Variants in EGFL6 observed in about 807,000 individuals in gnomAD.
EGFL6 encodes the protein EGF like domain multiple 6.
Under a neutral mutation model 43.1 loss-of-function variants are expected in EGFL6, and 42 were observed. The observed-to-expected ratio is 0.98, with a 90% confidence interval of 0.76 to 1.26. The LOEUF is 1.26. EGFL6 is among the 50% of genes most tolerant of loss of function. The pLI is 0.00. For synonymous variants in EGFL6, 164 were observed against 163.2 expected (o/e 1.01, Z -0.04); for missense variants, 429 against 427.8 (o/e 1.00, Z -0.02).
intron 1 of EGFL6, among the ~76,000 whole-genome samples, chrX:13,586,280 T>C (rs2045533184): frequency 8.9e-6 from 1 of 112,044 alleles, no homozygotes; most frequent in East Asian, 2.8e-4. Context: ...GGAACTCTCA[T>C]ATATTGCTGA....
At chrX:13,608,565 C>T (rs2045673280) in intron 7 of EGFL6, 119 bp downstream of exon 7, 1 of 916,841 alleles carries the variant, frequency 1.1e-6, no homozygotes, top group Non-Finnish European at 1.5e-6. Context: ...CTCTCCCTTA[C>T]TCTCACTCTG....
At chrX:13,617,651 A>T in intron 7 of EGFL6, 79 bp from the exon 8 acceptor site, 1 of 897,642 alleles carries the variant, frequency 1.1e-6, no homozygotes, top group Non-Finnish European at 1.6e-6. Flanking sequence ...ACTACACTTT[A>T]ACACTTTTTA....
intron 9 of EGFL6, among the ~76,000 whole-genome samples, chrX:13,619,685 T>C (rs1283866374): frequency 1.8e-5 from 2 of 111,832 alleles, no homozygotes; most frequent in Non-Finnish European, 3.8e-5. Context: ...GCAATAAATA[T>C]TTATTTTTGC....
chrX:13,606,571 T>A, intron 6 of EGFL6, 58 bp downstream of exon 6: 1 of 1,133,807 alleles, frequency 8.8e-7, no homozygotes. Context: ...CTTTGAGCCT[T>A]CTCTGCAGAT....
At chrX:13,594,587 C>T (rs1243491048) in intron 2 of EGFL6, among the ~76,000 whole-genome samples, 1 of 111,670 alleles carries the variant, frequency 9.0e-6, no homozygotes, top group Non-Finnish European at 1.9e-5. Context: ...TCTTCCAGTT[C>T]CAACATTATA....
intron 1 of EGFL6, among the ~76,000 whole-genome samples, chrX:13,570,582 C>G (rs1192619623): frequency 9.0e-6 from 1 of 111,623 alleles, no homozygotes; most frequent in Non-Finnish European, 1.9e-5. Context: ...TTAAGCTTAG[C>G]TGAGACCTGA....
At chrX:13,591,297 G>A (rs752417280) in intron 2 of EGFL6, among the ~76,000 whole-genome samples, 52 of 111,512 alleles carry the variant, frequency 4.7e-4, no homozygotes, top group Non-Finnish European at 9.6e-4. Flanking sequence ...ACAGTTGCAC[G>A]AACATCAGCG....
intron 1 of EGFL6, among the ~76,000 whole-genome samples, chrX:13,587,385 A>G (rs1197685591): frequency 8.9e-6 from 1 of 111,887 alleles, no homozygotes; most frequent in Admixed American, 9.5e-5. Flanking sequence ...TTTATGGGGT[A>G]CATGTGAGTG....
chrX:13,621,858 A>G (rs1205113503), intron 9 of EGFL6, among the ~76,000 whole-genome samples: 5 of 112,581 alleles, frequency 4.4e-5, no homozygotes, highest in Admixed American at 2.8e-4. Flanking sequence ...TTTCCAAACC[A>G]TGAAGTGCTA....
At position 13,633,064 on chromosome X, in the gene EGFL6, G is replaced by A; in HGVS notation, c.1631G>A (p.Cys544Tyr). 1 of 1,202,330 alleles carries A rather than the reference G, an allele frequency of 8.3e-7. No individual in the cohort carries two copies. Among genetic ancestry groups the A allele is most frequent in the East Asian group, 3.0e-5 (1 of 33,174 alleles). ...VDGVLLVSGL[C>Y]PDSLLSVDD ...GGCGTCTTGCTTGTTTCAGGCTTAT[G>A]TCCAGATAGCCTTTTATCTGTGGAT... The change falls in exon 12 of 12, where the codon TGT becomes TAT. Residue 544 changes from cysteine to tyrosine, a missense_variant. Coordinates refer to ENST00000361306, the MANE Select transcript of EGFL6 (RefSeq NM_015507.4).
At chrX:13,592,829 G>A (rs1273382148) in intron 2 of EGFL6, among the ~76,000 whole-genome samples, 1 of 84,645 alleles carries the variant, frequency 1.2e-5, no homozygotes, top group Non-Finnish European at 2.2e-5. Flanking sequence ...AGAATAGCAA[G>A]CAATATCTTT....
At chrX:13,596,985 A>G (rs1409136330) in intron 3 of EGFL6, among the ~76,000 whole-genome samples, 2 of 111,989 alleles carry the variant, frequency 1.8e-5, no homozygotes, top group African/African-American at 3.3e-5. Flanking sequence ...AACTTGGCTG[A>G]TTTTGTCATC....
At chrX:13,595,760 C>G (rs2146969190) in intron 3 of EGFL6, among the ~76,000 whole-genome samples, 1 of 107,032 alleles carries the variant, frequency 9.3e-6, no homozygotes, top group Non-Finnish European at 1.9e-5. Flanking sequence ...CGCTCTGTCA[C>G]CCAGGGTAGA....
rs1602652283 is a variant in EGFL6, at chrX:13,608,503, A to G, written c.778+57A>G. 1.4e-5 allele frequency: 16 copies of G among 1,148,659 alleles called. No homozygotes were observed. The Middle Eastern group carries it at 7.3e-4, about 52-fold the overall frequency. The allele number at this position is 1,148,659 out of a possible 1,213,427, so 94.7% of individuals were successfully genotyped here. On this transcript the variant is annotated intron_variant, in intron 7 of 11. Transcript: ENST00000361306. ...ATTCCCAATGAAGCATTCTCCCCAT[A>G]TCTCCTTCCTCCCTCTATTTCTCTC...
chrX:13,632,388 G>A (rs1271763881), intron 11 of EGFL6, among the ~76,000 whole-genome samples: 1 of 95,800 alleles, frequency 1.0e-5, no homozygotes, highest in African/African-American at 3.9e-5. Flanking sequence ...TGCAAGCTCC[G>A]CCTCCCGGGT....
At chrX:13,601,191 C>T (rs56669569) in intron 4 of EGFL6, among the ~76,000 whole-genome samples, 3 of 111,568 alleles carry the variant, frequency 2.7e-5, no homozygotes, top group African/African-American at 9.8e-5. Flanking sequence ...ATTTAAATTC[C>T]TTCTCGGAAC....
At chrX:13,600,283 T>C (rs865918390) in intron 4 of EGFL6, among the ~76,000 whole-genome samples, 189 bp downstream of exon 4, 10 of 39,284 alleles carry the variant, frequency 2.5e-4, no homozygotes, top group African/African-American at 3.3e-4. Context: ...CTTTCTTCTT[T>C]TTTTTTTTTT....
Position 13,633,090 on chromosome X carries a change from G to A in EGFL6, c.1657G>A (p.Asp553Asn), listed in dbSNP as rs2045822564. Residue 553 changes from aspartate to asparagine, a missense_variant, in exon 12 of 12, where the codon GAC becomes AAC. Transcript: ENST00000361306. ...TCCAGATAGCCTTTTATCTGTGGATGACTGAATGTTACTATCTTTATATTT... is the reference window on the plus strand; with the variant it reads ...TCCAGATAGCCTTTTATCTGTGGATAACTGAATGTTACTATCTTTATATTT... ...LCPDSLLSVD[D>N] 2 of 1,183,696 alleles carry A rather than the reference G, an allele frequency of 1.7e-6. No individual in the cohort carries two copies. Among genetic ancestry groups the A allele is most frequent in the South Asian group, 3.8e-5 (2 of 52,601 alleles).
chrX:13,579,636 G>A lies in EGFL6; in HGVS notation c.74+9701G>A, dbSNP rs767426478. On this transcript the variant is annotated intron_variant, in intron 1 of 11. Transcript: ENST00000361306. ...AGAAATGGGATTGCTGGGTCAAATA[G>A]TAGTTCTGTTTTTACTATTTACAAA... Among the ~76,000 whole-genome samples the A allele has an allele frequency of 6.3e-5, 7 of 111,590 alleles. No individual in the cohort carries two copies. In the South Asian group the frequency reaches 1.1e-3, roughly 18 times the overall value.
Sources: gnomAD v4.1 joint callset for allele counts (sites outside exome capture counted in the v4.1 genomes callset) on GRCh38, gnomAD v4.1.1 for gene constraint, MANE v1.5 for transcripts, NCBI Gene and HGNC (gene_info 2026-07-23, HGNC 2026-07-21) for gene names.